The following CPN1 variants were observed in gnomAD, a reference collection of about 807,000 sequenced individuals.
CPN1 encodes the protein carboxypeptidase N subunit 1, also known as carboxypeptidase N catalytic chain.
In CPN1, 37 loss-of-function variants were observed where a neutral mutation model predicts 46.4. The ratio of observed to expected loss-of-function variants is 0.80; its 90% CI spans 0.61 to 1.05. The LOEUF is 1.05. Ranked by LOEUF, CPN1 falls within the 50% of genes least tolerant of loss-of-function variation. CPN1 has a pLI of 0.00. For synonymous variants in CPN1, 224 were observed against 235.4 expected (o/e 0.95, Z 0.44); for missense variants, 563 against 602.6 (o/e 0.93, Z 0.69).
At chr10:100,056,115 T>C (rs2041383273) in intron 6 of CPN1, among the ~76,000 whole-genome samples, 1 of 152,380 alleles carries the variant, frequency 6.6e-6, no homozygotes, top group East Asian at 1.9e-4. Context: ...CCATTAATAG[T>C]GCACAAGGGT....
chr10:100,081,486 C>T lies in CPN1; in HGVS notation c.140G>A (p.Arg47Gln), dbSNP rs1400372289. The change falls in exon 1 of 9, where the codon CGG becomes CAG. Residue 47 changes from arginine to glutamine, a missense_variant. Physicochemically the swap from Arg to Gln is conservative, Grantham distance 43. Transcript: ENST00000370418. ...KVQNECPGIT[R>Q]VYSIGRSVEG... is the part of the protein sequence containing the mutation. ...CACGCTGCGCCCAATGCTGTAGACCCGCGTGATGCCGGGGCATTCGTTTTG... is the reference window on the plus strand; with the variant it reads ...CACGCTGCGCCCAATGCTGTAGACCTGCGTGATGCCGGGGCATTCGTTTTG... The T allele has an allele frequency of 2.5e-6, 4 of 1,614,122 alleles. 1 individual carries two copies. The highest frequency in any genetic ancestry group is 3.3e-4 in the Middle Eastern group (2 of 6,052).
intron 6 of CPN1, among the ~76,000 whole-genome samples, chr10:100,056,496 CTTA>C (rs2041385084): frequency 6.6e-6 from 1 of 152,122 alleles, no homozygotes; most frequent in Admixed American, 6.5e-5. Context: ...GGGATATTTG[CTTA>C]TTTATTCATA....
In CPN1 at chr10:100,066,280, T is replaced by G. The variant is rs575934201; in HGVS notation, c.577-910A>C. Among the ~76,000 whole-genome samples the G allele has an allele frequency of 9.2e-5, 14 of 152,086 alleles. No individual in the cohort carries two copies. The South Asian group carries it at 2.9e-3, about 32-fold the overall frequency. On this transcript the variant is annotated intron_variant, in intron 3 of 8. Coordinates refer to ENST00000370418, the MANE Select transcript of CPN1 (RefSeq NM_001308.3). Reference sequence around the variant, plus strand: ...AAGAGAAGTTCTGTATGAAGAGATATCATGATTGGAGAGCTCAGAGCCCCA... The same window carrying G: ...AAGAGAAGTTCTGTATGAAGAGATAGCATGATTGGAGAGCTCAGAGCCCCA...
At chr10:100,066,811 T>G (rs1350184362) in intron 3 of CPN1, among the ~76,000 whole-genome samples, 1 of 152,190 alleles carries the variant, frequency 6.6e-6, no homozygotes, top group African/African-American at 2.4e-5. Context: ...TTAATCAGAA[T>G]GAATATAATT....
intron 8 of CPN1, among the ~76,000 whole-genome samples, chr10:100,047,945 T>C (rs919139172): frequency 6.6e-6 from 1 of 152,060 alleles, no homozygotes; most frequent in Non-Finnish European, 1.5e-5. Flanking sequence ...TGAGCCGAGA[T>C]CATGCCATTG....
chr10:100,064,746 G>T (rs143147234), intron 4 of CPN1, among the ~76,000 whole-genome samples: 2 of 151,940 alleles, frequency 1.3e-5, no homozygotes, highest in Non-Finnish European at 2.9e-5. Flanking sequence ...TTAACATATC[G>T]TTTTGAACTG....
rs770270851 is a variant in CPN1 at position 100,081,572 on chromosome 10, A to T, written c.54T>A (p.Val18=). 1.2e-6 allele frequency: 2 copies of T among 1,614,200 alleles called. No homozygotes were observed. Among genetic ancestry groups the T allele is most frequent in the South Asian group, 2.2e-5 (2 of 91,080 alleles). Residue 18 remains valine, a synonymous_variant, in exon 1 of 9, where the codon GTT becomes GTA. Coordinates refer to ENST00000370418, the MANE Select transcript of CPN1 (RefSeq NM_001308.3). ...GGTGGTGGCGAAAGGTCACCGGGGC[A>T]ACCAACTTGAAGAGAAGGAGGAGGT... ...FLHLLLLFKL[V]APVTFRHHRY...
Position 100,081,816 on chromosome 10 carries a change from C to T in CPN1, c.-191G>A. ...ATGTCGTTCTGGAATAGCCACTCATCTCTCCTCCCTCACTCCCTTTCTTTC... is the reference window on the plus strand; with the variant it reads ...ATGTCGTTCTGGAATAGCCACTCATTTCTCCTCCCTCACTCCCTTTCTTTC... On this transcript the variant is annotated 5_prime_UTR_variant, in exon 1 of 9. Transcript: ENST00000370418. 1.6e-6 allele frequency: 1 copy of T among 625,994 alleles called. No individual in the cohort carries two copies. The highest frequency in any genetic ancestry group is 1.7e-5 in the South Asian group (1 of 57,410). 38.8% of individuals were successfully genotyped at this position (625,994 alleles called of 1,614,324 possible). A position where few individuals can be genotyped will look rare whatever the true frequency, so the allele number is the denominator to read the frequency against.
At chr10:100,054,490 C>A (rs747840797) in intron 6 of CPN1, 44 bp from the exon 7 acceptor site, 3 of 1,485,310 alleles carry the variant, frequency 2.0e-6, no homozygotes, top group East Asian at 4.5e-5. Context: ...ACATTTGTAC[C>A]ATTTGTACAG....
At chr10:100,074,727 C>T (rs1034347498) in intron 2 of CPN1, among the ~76,000 whole-genome samples, 8 of 152,024 alleles carry the variant, frequency 5.3e-5, no homozygotes, top group African/African-American at 1.9e-4. Context: ...GAAAACCCTG[C>T]CTTTTAAACA....
intron 4 of CPN1, 143 bp downstream of exon 4, chr10:100,065,045 T>C (rs2041445104): frequency 5.3e-6 from 5 of 938,372 alleles, no homozygotes; most frequent in Non-Finnish European, 7.8e-6. Context: ...TGTCATTTAC[T>C]AGACTGTAAG....
intron 8 of CPN1, among the ~76,000 whole-genome samples, chr10:100,046,146 G>A (rs2041309816): frequency 1.3e-5 from 2 of 152,186 alleles, no homozygotes; most frequent in African/African-American, 4.8e-5. Context: ...AAGAGTAGCT[G>A]GCTTTTTGCG....
intron 7 of CPN1, among the ~76,000 whole-genome samples, chr10:100,053,770 T>A (rs372987619): frequency 2.0e-5 from 3 of 151,968 alleles, no homozygotes; most frequent in African/African-American, 7.2e-5. Flanking sequence ...CTGGGCTGAG[T>A]CAGCTTACAA....
chr10:100,043,763 C>A (rs887063077), intron 8 of CPN1, among the ~76,000 whole-genome samples: 1 of 151,898 alleles, frequency 6.6e-6, no homozygotes, highest in Non-Finnish European at 1.5e-5. Context: ...AGCCTCTCAG[C>A]CTCCTGAGTA....
At chr10:100,049,613 C>T (rs1306693480) in intron 7 of CPN1, among the ~76,000 whole-genome samples, 1 of 151,724 alleles carries the variant, frequency 6.6e-6, no homozygotes, top group Non-Finnish European at 1.5e-5. Context: ...CACTATGTTG[C>T]CCAGGCTGGT....
intron 8 of CPN1, among the ~76,000 whole-genome samples, chr10:100,043,899 G>GA (rs1409882159): frequency 6.6e-6 from 1 of 152,048 alleles, no homozygotes; most frequent in Non-Finnish European, 1.5e-5. Context: ...CACGCAGATG[G>GA]AAAGATACTT....
chr10:100,061,570 A>G (rs1251868990), intron 5 of CPN1, among the ~76,000 whole-genome samples: 2 of 152,192 alleles, frequency 1.3e-5, no homozygotes, highest in African/African-American at 4.8e-5. Flanking sequence ...TATGCTAATC[A>G]AGAGACCACA....
At chr10:100,045,974 C>T (rs1244839723) in intron 8 of CPN1, among the ~76,000 whole-genome samples, 5 of 152,108 alleles carry the variant, frequency 3.3e-5, no homozygotes, top group African/African-American at 1.2e-4. Context: ...ATTATTTTGT[C>T]CTCATTTGAG....
chr10:100,066,958 G>A (rs898314261), intron 3 of CPN1, among the ~76,000 whole-genome samples: 1 of 152,172 alleles, frequency 6.6e-6, no homozygotes, highest in African/African-American at 2.4e-5. Context: ...TCAGGAGCGA[G>A]GGAAACCTCT....
Sources: allele counts gnomAD v4.1 joint callset (sites outside exome capture counted in the v4.1 genomes callset), GRCh38; gene constraint gnomAD v4.1.1; transcripts MANE v1.5; gene names NCBI Gene and HGNC (gene_info 2026-07-23, HGNC 2026-07-21).